The following ADORA2B variants were observed in gnomAD, a reference collection of about 807,000 sequenced individuals.
ADORA2B encodes adenosine A2b receptor, also known as adenosine receptor A2b.
Under a neutral mutation model 20.8 loss-of-function variants are expected in ADORA2B, and 18 were observed. That is an observed-to-expected ratio of 0.87 (90% CI 0.60 to 1.29). The LOEUF (loss-of-function observed/expected upper bound fraction) is 1.29. ADORA2B is among the 50% of genes most tolerant of loss of function. The probability of loss-of-function intolerance (pLI) is 0.00; values close to 1 mark genes in which losing one functional copy is unlikely to be tolerated. For synonymous variants in ADORA2B, 179 were observed against 178.3 expected, an observed-to-expected ratio of 1.00 and a Z score of -0.03; for missense variants, 441 against 422.7, an observed-to-expected ratio of 1.04 and a Z score of -0.38.
the ADORA2B span, among the ~76,000 whole-genome samples, chr17:15,918,142 C>T: frequency 6.6e-6 from 1 of 152,220 alleles, no homozygotes; most frequent in Non-Finnish European, 1.5e-5. Context: ...CACCTTCTTG[C>T]TGTGTCCTCA....
the ADORA2B span, among the ~76,000 whole-genome samples, chr17:15,882,146 C>T: frequency 6.6e-6 from 1 of 152,136 alleles, no homozygotes; most frequent in Admixed American, 6.5e-5. Flanking sequence ...CAAGGCAACT[C>T]ATCAAGGTTG....
chr17:15,913,522 C>T, the ADORA2B span, among the ~76,000 whole-genome samples: 1 of 152,152 alleles, frequency 6.6e-6, no homozygotes, highest in African/African-American at 2.4e-5. Context: ...CAAAACCTGG[C>T]CATTCTAAGA....
the ADORA2B span, among the ~76,000 whole-genome samples, chr17:15,907,028 C>T: frequency 6.6e-6 from 1 of 152,132 alleles, no homozygotes; most frequent in Non-Finnish European, 1.5e-5. Context: ...GTAGGCATCC[C>T]TTCTTTGCCC....
At chr17:15,940,711 C>G (rs148865216), upstream of ADORA2B, among the ~76,000 whole-genome samples, 678 of 152,318 alleles carry the variant, frequency 4.5e-3, 1 homozygote, top group Non-Finnish European at 7.7e-3. Context: ...AGGTATGCCC[C>G]TTCCTCTTCC....
the ADORA2B span, among the ~76,000 whole-genome samples, chr17:15,889,770 C>A: frequency 1.6e-5 from 2 of 128,356 alleles, no homozygotes; most frequent in Non-Finnish European, 3.3e-5. Context: ...TGGTAGCGTG[C>A]GCCTGTAATC....
the ADORA2B span, among the ~76,000 whole-genome samples, chr17:15,865,374 G>A: frequency 6.6e-6 from 1 of 151,446 alleles, no homozygotes; most frequent in Admixed American, 6.6e-5. Flanking sequence ...CAATTCTCCT[G>A]CCTCGACCTC....
intron 1 of ADORA2B, among the ~76,000 whole-genome samples, chr17:15,952,820 A>T (rs915933408): frequency 1.3e-5 from 2 of 152,082 alleles, no homozygotes; most frequent in African/African-American, 4.8e-5. Flanking sequence ...TTTGCCTCAG[A>T]TTTATTAGTG....
the ADORA2B span, among the ~76,000 whole-genome samples, chr17:15,906,060 G>A: frequency 6.6e-6 from 1 of 152,188 alleles, no homozygotes; most frequent in African/African-American, 2.4e-5. Flanking sequence ...TCAAACAAAG[G>A]CAGTTTTATT....
At chr17:15,955,688 G>A (rs150594768) in intron 1 of ADORA2B, among the ~76,000 whole-genome samples, 1,700 of 149,628 alleles carry the variant, frequency 0.011, 28 homozygotes, top group African/African-American at 0.04. Context: ...GACCACAGGC[G>A]TGAGCCACCA....
chr17:15,869,035 G>A, the ADORA2B span, among the ~76,000 whole-genome samples: 94 of 151,046 alleles, frequency 6.2e-4, no homozygotes, highest in South Asian at 8.4e-4. Flanking sequence ...AAAAATAATT[G>A]AAGGCCAGGC....
At chr17:15,861,343 C>G in the ADORA2B span, among the ~76,000 whole-genome samples, 2 of 152,282 alleles carry the variant, frequency 1.3e-5, no homozygotes, top group East Asian at 1.9e-4. Context: ...GCCAGGGACT[C>G]TGCCATATAT....
At chr17:15,916,046 C>T in the ADORA2B span, among the ~76,000 whole-genome samples, 1 of 152,210 alleles carries the variant, frequency 6.6e-6, no homozygotes, top group Non-Finnish European at 1.5e-5. Context: ...CCTCACGGGT[C>T]ACTAACCAGT....
chr17:15,891,562 C>T, the ADORA2B span, among the ~76,000 whole-genome samples: 6 of 152,300 alleles, frequency 3.9e-5, no homozygotes, highest in African/African-American at 1.2e-4. Context: ...CAAACTGATT[C>T]CACAGCTGTA....
the ADORA2B span, among the ~76,000 whole-genome samples, chr17:15,855,644 G>A: frequency 6.6e-6 from 1 of 150,886 alleles, no homozygotes; most frequent in Admixed American, 6.6e-5. Context: ...TTTTAAGTAC[G>A]GTTAACTATA....
intron 1 of ADORA2B, among the ~76,000 whole-genome samples, chr17:15,948,109 G>A (rs986538818): frequency 4.6e-5 from 7 of 152,222 alleles, no homozygotes; most frequent in African/African-American, 1.7e-4. Flanking sequence ...AGGGCTAAAG[G>A]CTTAGGCTAG....
the ADORA2B span, among the ~76,000 whole-genome samples, chr17:15,904,386 T>C: frequency 1.0e-4 from 15 of 150,138 alleles, 1 homozygote; most frequent in East Asian, 2.1e-3. Flanking sequence ...ACTTTTGTAC[T>C]TCTGCTTTTT....
rs148424704 is a variant in ADORA2B, at chr17:15,975,604, C to CT, written c.*266dup. ...CAGCTTGAATGGATTCTAACAGACTCTTTTGTTTTTAAAAGTCTGCCTTGT... is the reference window on the plus strand; with the variant it reads ...CAGCTTGAATGGATTCTAACAGACTCTTTTTGTTTTTAAAAGTCTGCCTTGT... On this transcript the variant is annotated 3_prime_UTR_variant, in exon 2 of 2. Coordinates refer to ENST00000304222, the MANE Select transcript of ADORA2B (RefSeq NM_000676.4). 2 of 444,394 alleles carry CT rather than the reference C, an allele frequency of 4.5e-6. No individual in the cohort carries two copies. The highest frequency in any genetic ancestry group is 8.0e-6 in the Non-Finnish European group (2 of 250,724). 27.5% of individuals were successfully genotyped at this position (444,394 alleles called of 1,614,324 possible). A position where few individuals can be genotyped will look rare whatever the true frequency, so the allele number is the denominator to read the frequency against.
At chr17:15,959,870 A>G (rs993798384) in intron 1 of ADORA2B, among the ~76,000 whole-genome samples, 1 of 152,368 alleles carries the variant, frequency 6.6e-6, no homozygotes, top group East Asian at 1.9e-4. Context: ...TCATATCTTT[A>G]TAGTTGTTCT....
chr17:15,950,802 G>A (rs1481811618), intron 1 of ADORA2B, among the ~76,000 whole-genome samples: 2 of 152,142 alleles, frequency 1.3e-5, no homozygotes, highest in Non-Finnish European at 2.9e-5. Context: ...ACTCACCACG[G>A]CCAAGTTATA....
Sources: gnomAD v4.1 joint callset for allele counts (sites outside exome capture counted in the v4.1 genomes callset) on GRCh38, gnomAD v4.1.1 for gene constraint, MANE v1.5 for transcripts, NCBI Gene and HGNC (gene_info 2026-07-23, HGNC 2026-07-21) for gene names.